The following EYA4 variants were observed in gnomAD, a reference collection of about 807,000 sequenced individuals.
EYA4 encodes the protein EYA transcriptional coactivator and phosphatase 4, also known as protein phosphatase EYA4.
EYA4 carries 31 observed loss-of-function variants against 87.9 expected under a neutral mutation model. That is an observed-to-expected ratio of 0.35 (90% CI 0.27 to 0.48). The LOEUF is 0.48. Ranked by LOEUF, EYA4 falls within the 20% of genes least tolerant of loss-of-function variation. The pLI is 0.99. For missense variants in EYA4, 678 were observed against 761.4 expected, an observed-to-expected ratio of 0.89 and a Z score of 1.29; for synonymous variants, 263 against 270.6, an observed-to-expected ratio of 0.97 and a Z score of 0.28.
chr6:133,474,675 A>G (rs973917121), intron 11 of EYA4, among the ~76,000 whole-genome samples: 5 of 152,150 alleles, frequency 3.3e-5, no homozygotes, highest in Non-Finnish European at 4.4e-5. Context: ...CCTTCAGTCA[A>G]TGCAGTTTTA....
At chr6:133,311,916 C>T (rs1445996493) in intron 2 of EYA4, among the ~76,000 whole-genome samples, 1 of 152,166 alleles carries the variant, frequency 6.6e-6, no homozygotes, top group Non-Finnish European at 1.5e-5. Flanking sequence ...AGTCATGGAA[C>T]TTCATCTACT....
chr6:133,515,204 G>T, intron 16 of EYA4, 117 bp from the exon 17 acceptor site: 1 of 728,206 alleles, frequency 1.4e-6, no homozygotes. Context: ...GTATCTCTCT[G>T]CATTTCTGAT....
In EYA4 at chr6:133,268,788, C is replaced by A. The variant is rs143704670; in HGVS notation, c.-65-5928C>A. 3.3e-5 allele frequency among the ~76,000 whole-genome samples: 5 copies of A among 152,034 alleles called. No homozygotes were observed. In the East Asian group the frequency reaches 9.7e-4, roughly 29 times the overall value. The stretch of plus-strand genomic sequence containing the variant: ...GATACCCAGATTTGAGGGGAGGAAC[C>A]AGTGCATCAGGAGGAGAAGAGGGAG... On this transcript the variant is annotated intron_variant, in intron 1 of 19. Transcript: ENST00000355286.
chr6:133,452,122 G>A (rs1325807524), intron 5 of EYA4, among the ~76,000 whole-genome samples: 4 of 152,064 alleles, frequency 2.6e-5, no homozygotes, highest in Non-Finnish European at 5.9e-5. Context: ...ATTAAAACCA[G>A]TAGGCAATAC....
chr6:133,294,453 C>T (rs948726729), intron 2 of EYA4, among the ~76,000 whole-genome samples: 1 of 151,058 alleles, frequency 6.6e-6, no homozygotes, highest in African/African-American at 2.4e-5. Flanking sequence ...GTTATAACTC[C>T]TGGGTTCAGG....
At chr6:133,511,708 A>C (rs1350249936) in intron 14 of EYA4, 1 of 152,192 alleles carries the variant, frequency 6.6e-6, no homozygotes, top group East Asian at 1.9e-4. Flanking sequence ...GTGGTGGCTC[A>C]CACCTGTAAT....
chr6:133,380,384 A>T (rs1202779962), intron 2 of EYA4, among the ~76,000 whole-genome samples: 1 of 152,198 alleles, frequency 6.6e-6, no homozygotes, highest in African/African-American at 2.4e-5. Context: ...AAATTAAAAC[A>T]AGCAGAACTT....
At position 133,492,420 on chromosome 6, in the gene EYA4, A is replaced by T. The variant is rs114798048; in HGVS notation, c.1191+9305A>T. Among the ~76,000 whole-genome samples the T allele has an allele frequency of 9.7e-3, 1,478 of 152,316 alleles. 29 individuals are homozygous for T. Among genetic ancestry groups the T allele is most frequent in the African/African-American group, 0.034 (1,397 of 41,564 alleles). On this transcript the variant is annotated intron_variant, in intron 13 of 19. Transcript: ENST00000355286. ...TTCAACATCCTTTGCTGATAAAAAA[A>T]ATCTTCAAAAAACTGGGTATGGAAG...
At chr6:133,419,842 G>A (rs1331502517) in intron 3 of EYA4, among the ~76,000 whole-genome samples, 1 of 152,178 alleles carries the variant, frequency 6.6e-6, no homozygotes, top group African/African-American at 2.4e-5. Context: ...GTGGTGCCTA[G>A]CATGGCAGCC....
At chr6:133,250,347 G>T (rs562793615) in intron 1 of EYA4, among the ~76,000 whole-genome samples, 1 of 152,178 alleles carries the variant, frequency 6.6e-6, no homozygotes, top group East Asian at 1.9e-4. Flanking sequence ...TGAGTAAGTA[G>T]AAAGAATATG....
At chr6:133,295,279 C>T (rs571126413) in intron 2 of EYA4, among the ~76,000 whole-genome samples, 1 of 152,110 alleles carries the variant, frequency 6.6e-6, no homozygotes, top group African/African-American at 2.4e-5. Flanking sequence ...GTGAAATCAT[C>T]GATTAATGCT....
chr6:133,518,345 G>T (rs1322496096), intron 17 of EYA4, among the ~76,000 whole-genome samples: 2 of 152,040 alleles, frequency 1.3e-5, no homozygotes, highest in East Asian at 3.9e-4. Flanking sequence ...AGGAGAAAAA[G>T]AAATCAACAT....
chr6:133,362,449 T>C lies in EYA4; in HGVS notation c.34-19943T>C, dbSNP rs141650296. On this transcript the variant is annotated intron_variant, in intron 2 of 19. Transcript: ENST00000355286. ...CTAGACAAATTCTTACCGTCACCCC[T>C]GTTGCCTCGCAAAACTCTCATAATT... Among the ~76,000 whole-genome samples the C allele has an allele frequency of 3.5e-3, 535 of 152,068 alleles. 2 individuals are homozygous for C. The highest frequency in any genetic ancestry group is 0.012 in the African/African-American group (498 of 41,312).
chr6:133,341,205 G>A (rs552929771), intron 2 of EYA4, among the ~76,000 whole-genome samples: 1 of 152,292 alleles, frequency 6.6e-6, no homozygotes, highest in Non-Finnish European at 1.5e-5. Flanking sequence ...TAGGCTACCT[G>A]AGGGAATAGT....
At chr6:133,523,581 TTAATTACAGAAAAAAA>T (rs1800372992) in intron 18 of EYA4, among the ~76,000 whole-genome samples, 1 of 152,170 alleles carries the variant, frequency 6.6e-6, no homozygotes, top group Admixed American at 6.6e-5. Flanking sequence ...ACGAGTGCCC[TTAATTACAGAAAAAAA>T]TTAAGAGTTT....
intron 3 of EYA4, among the ~76,000 whole-genome samples, chr6:133,393,093 T>C (rs159417): frequency 0.58 from 87,912 of 152,044 alleles, 28,680 homozygotes; most frequent in Non-Finnish European, 0.73. Flanking sequence ...TTCTCCAAGA[T>C]TGCTTAGGGG....
At chr6:133,334,389 G>A (rs1782208221) in intron 2 of EYA4, among the ~76,000 whole-genome samples, 1 of 152,136 alleles carries the variant, frequency 6.6e-6, no homozygotes, top group Non-Finnish European at 1.5e-5. Context: ...AGTCCAGAAT[G>A]GAACTTTTCT....
intron 3 of EYA4, among the ~76,000 whole-genome samples, chr6:133,440,663 A>G (rs1384654121): frequency 6.6e-6 from 1 of 152,332 alleles, no homozygotes; most frequent in East Asian, 1.9e-4. Flanking sequence ...TTCAGGAGCT[A>G]TCAGACAAGA....
intron 2 of EYA4, among the ~76,000 whole-genome samples, chr6:133,339,021 G>A (rs116086646): frequency 5.3e-5 from 8 of 152,254 alleles, no homozygotes; most frequent in African/African-American, 1.9e-4. Context: ...CTTATTAGGT[G>A]CTGAAATCAG....
Sources: gnomAD v4.1 joint callset for allele counts (sites outside exome capture counted in the v4.1 genomes callset) on GRCh38, gnomAD v4.1.1 for gene constraint, MANE v1.5 for transcripts, NCBI Gene and HGNC (gene_info 2026-07-23, HGNC 2026-07-21) for gene names.